NEDD4L: variants seen among roughly 807,000 people sequenced by gnomAD.
NEDD4L encodes E3 ubiquitin-protein ligase NEDD4-like.
In NEDD4L, 54 loss-of-function variants were observed where a neutral mutation model predicts 148.9. The ratio of observed to expected loss-of-function variants is 0.36; its 90% confidence interval spans 0.29 to 0.45. The LOEUF (loss-of-function observed/expected upper bound fraction) is 0.45, where lower values mean the gene tolerates loss of function less well. NEDD4L is among the 20% of genes least tolerant of loss of function. The pLI, the probability that NEDD4L is intolerant of heterozygous loss-of-function variation, is 1.00. For missense variants in NEDD4L, 856 were observed against 1,233.8 expected (o/e 0.69, Z 4.59); for synonymous variants, 433 against 440.7 (o/e 0.98, Z 0.22).
intron 1 of NEDD4L, among the ~76,000 whole-genome samples, chr18:58,096,674 G>C (rs1039044186): frequency 6.6e-6 from 1 of 151,670 alleles, no homozygotes; most frequent in Admixed American, 6.6e-5. Flanking sequence ...GGGATTACAG[G>C]CATGAGCCAC....
At chr18:58,066,090 AG>A in intron 1 of NEDD4L, among the ~76,000 whole-genome samples, 1 of 152,384 alleles carries the variant, frequency 6.6e-6, no homozygotes, top group South Asian at 2.1e-4. Flanking sequence ...ATAAAATAGC[AG>A]AAATTACTGC....
chr18:58,343,969 A>T (rs1436266563), intron 16 of NEDD4L, among the ~76,000 whole-genome samples: 1 of 152,138 alleles, frequency 6.6e-6, no homozygotes, highest in Non-Finnish European at 1.5e-5. Context: ...TCTTCCGGTT[A>T]TGTCCCCATC....
chr18:58,306,682 A>G (rs147805306), intron 5 of NEDD4L, among the ~76,000 whole-genome samples: 108 of 151,904 alleles, frequency 7.1e-4, no homozygotes, highest in African/African-American at 2.5e-3. Flanking sequence ...CTGGAGTGCA[A>G]TGGTGCAATC....
chr18:58,234,748 C>T (rs912680168), intron 2 of NEDD4L, among the ~76,000 whole-genome samples: 4 of 152,116 alleles, frequency 2.6e-5, no homozygotes, highest in Admixed American at 6.5e-5. Context: ...TGGATCAAGA[C>T]GAGCAGCTCC....
chr18:58,248,960 A>G, intron 4 of NEDD4L, 23 bp downstream of exon 4: 1 of 1,304,430 alleles, frequency 7.7e-7, no homozygotes. Context: ...TTGTTTGGTA[A>G]TAATTGTTAT....
At chr18:58,160,946 G>A (rs897819048) in intron 1 of NEDD4L, among the ~76,000 whole-genome samples, 2 of 152,082 alleles carry the variant, frequency 1.3e-5, no homozygotes, top group African/African-American at 4.8e-5. Flanking sequence ...ACCCCTTCAC[G>A]TCTTCCGTAT....
At chr18:58,201,456 C>T (rs749181878) in intron 2 of NEDD4L, among the ~76,000 whole-genome samples, 1 of 152,154 alleles carries the variant, frequency 6.6e-6, no homozygotes, top group Non-Finnish European at 1.5e-5. Flanking sequence ...CAGCCTCAAC[C>T]GTTGTTAACA....
intron 16 of NEDD4L, 105 bp downstream of exon 16, chr18:58,343,208 G>A: frequency 2.3e-6 from 2 of 865,470 alleles, no homozygotes; most frequent in Non-Finnish European, 3.1e-6. Context: ...TGGATTGACT[G>A]TAAAGGGTGT....
At chr18:58,095,960 T>C (rs2084366437) in intron 1 of NEDD4L, among the ~76,000 whole-genome samples, 1 of 152,024 alleles carries the variant, frequency 6.6e-6, no homozygotes, top group African/African-American at 2.4e-5. Context: ...TCATTGGTGT[T>C]AGTGTATTTT....
At chr18:58,378,669 T>A (rs1367515027) in intron 24 of NEDD4L, among the ~76,000 whole-genome samples, 1 of 152,128 alleles carries the variant, frequency 6.6e-6, no homozygotes, top group Non-Finnish European at 1.5e-5. Flanking sequence ...GGGTGCTGAC[T>A]GCCCCCGAGG....
intron 5 of NEDD4L, among the ~76,000 whole-genome samples, chr18:58,297,070 G>T (rs910587988): frequency 2.0e-5 from 3 of 152,202 alleles, no homozygotes; most frequent in African/African-American, 7.2e-5. Context: ...CTATGCAATA[G>T]AGTGAGAGTC....
chr18:58,114,565 G>T (rs984808732), intron 1 of NEDD4L, among the ~76,000 whole-genome samples: 1 of 152,214 alleles, frequency 6.6e-6, no homozygotes, highest in Non-Finnish European at 1.5e-5. Flanking sequence ...CGTGAAGATG[G>T]GAGCATGGAC....
intron 5 of NEDD4L, among the ~76,000 whole-genome samples, chr18:58,253,935 G>A (rs2048206979): frequency 6.6e-6 from 1 of 151,276 alleles, no homozygotes; most frequent in Non-Finnish European, 1.5e-5. Flanking sequence ...TTGATGCCTA[G>A]TTTTGCCCCA....
At chr18:58,208,528 T>C (rs2042194953) in intron 2 of NEDD4L, among the ~76,000 whole-genome samples, 1 of 152,204 alleles carries the variant, frequency 6.6e-6, no homozygotes. Context: ...CCAGGCCAGG[T>C]TGAGACCTTT....
Position 58,396,292 on chromosome 18 carries a change from T to C in NEDD4L, c.*23T>C, listed in dbSNP as rs758991915. On this transcript the variant is annotated 3_prime_UTR_variant, in exon 31 of 31. Coordinates refer to ENST00000400345, the MANE Select transcript of NEDD4L (RefSeq NM_001144967.3). ...TAAGCACCCTGTGCCTCGGGGGTGG[T>C]TGTTCTTCAAGCAAGTTCTGCTTGC... 10 of 1,530,614 alleles carry C rather than the reference T, an allele frequency of 6.5e-6. No homozygotes were observed. Among genetic ancestry groups the C allele is most frequent in the East Asian group, 4.5e-5 (2 of 44,366 alleles). The allele number at this position is 1,530,614 out of a possible 1,614,324, so 94.8% of individuals were successfully genotyped here. A position where few individuals can be genotyped will look rare whatever the true frequency, so the allele number is the denominator to read the frequency against.
At chr18:58,281,748 G>A (rs1045209253) in intron 5 of NEDD4L, among the ~76,000 whole-genome samples, 6 of 152,106 alleles carry the variant, frequency 3.9e-5, no homozygotes, top group African/African-American at 1.4e-4. Flanking sequence ...AATGTTGGCT[G>A]GGCGCGGTGG....
intron 5 of NEDD4L, among the ~76,000 whole-genome samples, chr18:58,290,660 G>A (rs1471082012): frequency 3.9e-5 from 6 of 151,946 alleles, no homozygotes; most frequent in Admixed American, 3.3e-4. Flanking sequence ...GTGAGAAAAT[G>A]TATCTTTATG....
At chr18:58,332,012 A>G (rs1478591994) in intron 11 of NEDD4L, among the ~76,000 whole-genome samples, 1 of 152,240 alleles carries the variant, frequency 6.6e-6, no homozygotes, top group African/African-American at 2.4e-5. Flanking sequence ...AAGAAATTGC[A>G]TATATATGGG....
At chr18:58,165,652 A>C in intron 1 of NEDD4L, 136 bp from the exon 2 acceptor site, 1 of 1,528,010 alleles carries the variant, frequency 6.5e-7, no homozygotes, top group African/African-American at 1.4e-5. Flanking sequence ...GTAAGGAAGA[A>C]TTGCTTATGC....
Sources: allele counts gnomAD v4.1 joint callset (sites outside exome capture counted in the v4.1 genomes callset), GRCh38; gene constraint gnomAD v4.1.1; transcripts MANE v1.5; gene names NCBI Gene and HGNC (gene_info 2026-07-23, HGNC 2026-07-21).